The following MED12L variants were observed in gnomAD, a reference collection of about 807,000 sequenced individuals.
MED12L encodes the protein mediator of RNA polymerase II transcription subunit 12-like protein.
MED12L carries 60 observed loss-of-function variants against 281.3 expected under a neutral mutation model. The ratio of observed to expected loss-of-function variants is 0.21; its 90% CI spans 0.17 to 0.26. MED12L has a LOEUF of 0.26. MED12L is among the 10% of genes least tolerant of loss of function. The probability of loss-of-function intolerance (pLI) is 1.00; values close to 1 mark genes in which losing one functional copy is unlikely to be tolerated. For synonymous variants in MED12L, 974 were observed against 987.2 expected (o/e 0.99, Z 0.25); for missense variants, 2,146 against 2,680.9 (o/e 0.80, Z 4.41).
At chr3:151,320,402 T>C (rs1296125322) in intron 16 of MED12L, among the ~76,000 whole-genome samples, 2 of 152,214 alleles carry the variant, frequency 1.3e-5, no homozygotes, top group Non-Finnish European at 2.9e-5. Flanking sequence ...ACAAGGATTA[T>C]AGTAAAACCT....
chr3:151,194,373 G>A (rs1724378637), intron 16 of MED12L, among the ~76,000 whole-genome samples: 1 of 152,138 alleles, frequency 6.6e-6, no homozygotes, highest in South Asian at 2.1e-4. Flanking sequence ...GGAAAGACGG[G>A]AGACAAATGT....
At chr3:151,157,236 A>T (rs1482434250) in intron 6 of MED12L, among the ~76,000 whole-genome samples, 2 of 146,868 alleles carry the variant, frequency 1.4e-5, no homozygotes, top group African/African-American at 2.5e-5. Flanking sequence ...TGAAATTAGA[A>T]TTTTTTTTTT....
At chr3:151,293,419 G>A (rs899822319) in intron 16 of MED12L, among the ~76,000 whole-genome samples, 6 of 152,150 alleles carry the variant, frequency 3.9e-5, no homozygotes, top group African/African-American at 1.2e-4. Context: ...TTACCCAGAG[G>A]AATGAAAGGT....
At chr3:151,222,450 G>C (rs1181343245) in intron 16 of MED12L, among the ~76,000 whole-genome samples, 1 of 152,128 alleles carries the variant, frequency 6.6e-6, no homozygotes, top group Non-Finnish European at 1.5e-5. Context: ...GTTGTGGGAG[G>C]GACCTGGTGG....
Position 151,141,188 on chromosome 3 carries a change from T to TTTTTTTGTTTTTTG in MED12L, c.556+13210_556+13211insGTTTTTTGTTTTTT, listed in dbSNP as rs1716953493. 3.4e-5 allele frequency among the ~76,000 whole-genome samples: 3 copies of TTTTTTTGTTTTTTG among 88,922 alleles called. 1 individual carries two copies. The highest frequency in any genetic ancestry group is 1.3e-4 in the African/African-American group (2 of 15,132). 58.3% of individuals were successfully genotyped at this position (88,922 alleles called of 152,430 possible). A position where few individuals can be genotyped will look rare whatever the true frequency, so the allele number is the denominator to read the frequency against. On this transcript the variant is annotated intron_variant, in intron 5 of 44. Coordinates refer to ENST00000687756, the MANE Select transcript of MED12L (RefSeq NM_001393769.1). ...GGCGTTTTTTTTTTTGTTTTTTTTGTTTTTTTTTTTTTGTTAGTAGAGACG... is the reference window on the plus strand; with the variant it reads ...GGCGTTTTTTTTTTTGTTTTTTTTGTTTTTTTGTTTTTTGTTTTTTTTTTTTGTTAGTAGAGACG...
chr3:151,115,227 G>A (rs1304679376), intron 2 of MED12L, among the ~76,000 whole-genome samples: 1 of 150,990 alleles, frequency 6.6e-6, no homozygotes, highest in Non-Finnish European at 1.5e-5. Context: ...TGTTAGTCTT[G>A]GGTAAGTTGG....
At chr3:151,154,023 C>T (rs1378510692) in intron 5 of MED12L, among the ~76,000 whole-genome samples, 1 of 152,180 alleles carries the variant, frequency 6.6e-6, no homozygotes, top group Non-Finnish European at 1.5e-5. Flanking sequence ...TGAAAATAGG[C>T]CCGTCTGGCC....
chr3:151,200,103 C>CT (rs908406716), intron 16 of MED12L, among the ~76,000 whole-genome samples: 34 of 151,224 alleles, frequency 2.2e-4, no homozygotes, highest in South Asian at 8.5e-4. Flanking sequence ...ACTTGAGTCG[C>CT]TTTTTTTTTC....
At chr3:151,297,878 A>G (rs958487160) in intron 16 of MED12L, among the ~76,000 whole-genome samples, 2 of 152,138 alleles carry the variant, frequency 1.3e-5, no homozygotes, top group African/African-American at 4.8e-5. Flanking sequence ...ATATACATAT[A>G]TATATATTAT....
In MED12L at chr3:151,122,884, T is replaced by C. The variant is rs1713967168; in HGVS notation, c.306T>C (p.Tyr102=). Residue 102 remains tyrosine (Y), a synonymous_variant, in exon 4 of 45, where the codon TAT becomes TAC. Coordinates refer to ENST00000687756, the MANE Select transcript of MED12L (RefSeq NM_001393769.1). ...KKPQVNAKDN[Y]WLVTARSQSA... The stretch of plus-strand genomic sequence containing the variant: ...CACAAGTTAATGCTAAAGATAATTA[T>C]TGGCTGGTTACTGCTCGATCCCAGA... The C allele has an allele frequency of 1.9e-6, 3 of 1,612,980 alleles. No homozygotes were observed. In the East Asian group the frequency reaches 6.7e-5, roughly 36 times the overall value.
intron 36 of MED12L, 75 bp from the exon 37 acceptor site, chr3:151,387,735 A>G: frequency 1.3e-6 from 2 of 1,513,748 alleles, no homozygotes; most frequent in African/African-American, 1.4e-5. Context: ...CTCTGACTCC[A>G]TGTCCCATAC....
chr3:151,211,003 G>A (rs1249017954), intron 16 of MED12L, among the ~76,000 whole-genome samples: 1 of 152,224 alleles, frequency 6.6e-6, no homozygotes, highest in Non-Finnish European at 1.5e-5. Context: ...AGTGTTCCCT[G>A]TTGCCCACCT....
intron 5 of MED12L, among the ~76,000 whole-genome samples, chr3:151,148,818 A>G (rs1008444015): frequency 2.6e-5 from 4 of 152,250 alleles, no homozygotes; most frequent in African/African-American, 9.6e-5. Context: ...ATATGGTTAT[A>G]TAAAAACCTA....
chr3:151,412,721 T>G (rs947796489), intron 41 of MED12L, among the ~76,000 whole-genome samples: 1 of 152,232 alleles, frequency 6.6e-6, no homozygotes, highest in Non-Finnish European at 1.5e-5. Context: ...TGCCATTTGC[T>G]TTCTTAATAA....
intron 16 of MED12L, among the ~76,000 whole-genome samples, chr3:151,242,444 C>T (rs1734375923): frequency 6.6e-6 from 1 of 152,148 alleles, no homozygotes. Flanking sequence ...GGCAGACTGC[C>T]TCCTCAAGTG....
intron 16 of MED12L, among the ~76,000 whole-genome samples, chr3:151,335,314 T>G (rs1366676554): frequency 2.0e-5 from 3 of 152,176 alleles, no homozygotes; most frequent in African/African-American, 7.2e-5. Flanking sequence ...CATTCTACTC[T>G]CATAAATATG....
chr3:151,198,608 C>T, intron 16 of MED12L: 1 of 1,613,912 alleles, frequency 6.2e-7, no homozygotes, highest in Non-Finnish European at 8.5e-7. Flanking sequence ...GAGTGAAATC[C>T]TGGTTGAGCA....
In MED12L at chr3:151,413,181, G is replaced by A. The variant is rs1272461584; in HGVS notation, c.6183G>A (p.Gly2061=). The part of the protein sequence containing the change: ...QALQQSPLVG[G]GIDAVLTSAH... ...TACAGCAGAGCCCTCTGGTGGGCGGGGGAATTGATGCTGTGCTGACTTCTG... is the reference window on the plus strand; with the variant it reads ...TACAGCAGAGCCCTCTGGTGGGCGGAGGAATTGATGCTGTGCTGACTTCTG... Residue 2061 remains glycine, a synonymous_variant, in exon 42 of 45, where the codon GGG becomes GGA. Transcript: ENST00000687756. 4.3e-6 allele frequency: 7 copies of A among 1,614,066 alleles called. No individual in the cohort carries two copies. The South Asian group carries it at 5.5e-5, about 13-fold the overall frequency.
At position 151,249,390 on chromosome 3, in the gene MED12L, TG is replaced by T. The variant is rs368688102; in HGVS notation, c.2250+55725del. Among the ~76,000 whole-genome samples the T allele has an allele frequency of 4.7e-3, 723 of 152,322 alleles. 8 individuals carry two copies. The highest frequency in any genetic ancestry group is 0.024 in the Middle Eastern group (7 of 294). ...ATTAGTTGGAAAACCAAAAAATATT[TG>T]AGAGTAAAACATCTGCACGTTTCCT... On this transcript the variant is annotated intron_variant, in intron 16 of 44. Coordinates refer to ENST00000687756, the MANE Select transcript of MED12L (RefSeq NM_001393769.1).
Sources: gnomAD v4.1 joint callset for allele counts (sites outside exome capture counted in the v4.1 genomes callset) on GRCh38, gnomAD v4.1.1 for gene constraint, MANE v1.5 for transcripts, NCBI Gene and HGNC (gene_info 2026-07-23, HGNC 2026-07-21) for gene names.